Variants in PTPRD observed in about 807,000 individuals in gnomAD.
PTPRD encodes the protein protein tyrosine phosphatase receptor type D, also known as receptor-type tyrosine-protein phosphatase delta.
In PTPRD, 34 loss-of-function variants were observed where a neutral mutation model predicts 214.5. The ratio of observed to expected loss-of-function variants is 0.16; its 90% CI spans 0.12 to 0.21. The LOEUF (loss-of-function observed/expected upper bound fraction) is 0.21. Among genes scored for constraint, PTPRD ranks in the 10% least tolerant of loss-of-function variants. The pLI is 1.00. For missense variants in PTPRD, 2,545 were observed against 2,398.7 expected, an observed-to-expected ratio of 1.06 and a Z score of -1.27; for synonymous variants, 1,128 against 845.7, an observed-to-expected ratio of 1.33 and a Z score of -5.79.
At chr9:8,917,041 T>G (rs2098790863) in intron 11 of PTPRD, among the ~76,000 whole-genome samples, 1 of 151,214 alleles carries the variant, frequency 6.6e-6, no homozygotes, top group African/African-American at 2.4e-5. Context: ...GACTTGTTTT[T>G]GACATTTTCT....
chr9:8,560,442 C>T (rs1023282308), intron 14 of PTPRD, among the ~76,000 whole-genome samples: 1 of 73,546 alleles, frequency 1.4e-5, no homozygotes, highest in Admixed American at 1.2e-4. Context: ...AAAATACATA[C>T]ACACACACAC....
chr9:10,124,916 A>C (rs2154251523), intron 3 of PTPRD, among the ~76,000 whole-genome samples: 1 of 152,300 alleles, frequency 6.6e-6, no homozygotes, highest in Non-Finnish European at 1.5e-5. Context: ...GAACGTCAAA[A>C]GAGCGCACTA....
chr9:8,940,589 C>G (rs920327268), intron 11 of PTPRD, among the ~76,000 whole-genome samples: 2 of 151,676 alleles, frequency 1.3e-5, no homozygotes, highest in Admixed American at 6.6e-5. Context: ...CCACCGCACC[C>G]AGCCTGCACA....
chr9:9,300,228 A>G (rs1954760107), intron 9 of PTPRD, among the ~76,000 whole-genome samples: 1 of 151,346 alleles, frequency 6.6e-6, no homozygotes, highest in African/African-American at 2.4e-5. Flanking sequence ...TTGGGATAAA[A>G]TTCAAGATAC....
intron 9 of PTPRD, among the ~76,000 whole-genome samples, chr9:9,225,364 C>A (rs1436295652): frequency 6.6e-6 from 1 of 152,040 alleles, no homozygotes; most frequent in South Asian, 2.1e-4. Context: ...GCCTTAACAT[C>A]TTTATCGAAG....
chr9:8,913,339 C>G (rs1055680199), intron 11 of PTPRD, among the ~76,000 whole-genome samples: 1 of 152,000 alleles, frequency 6.6e-6, no homozygotes, highest in Non-Finnish European at 1.5e-5. Flanking sequence ...TAGAATCCGC[C>G]TTTGTAAGAC....
At chr9:9,509,803 TAA>T (rs35950370) in intron 8 of PTPRD, among the ~76,000 whole-genome samples, 1 of 149,338 alleles carries the variant, frequency 6.7e-6, no homozygotes. Flanking sequence ...CCTTTTTATT[TAA>T]AAAAAAAACA....
chr9:10,559,330 C>T (rs192124880), intron 2 of PTPRD, among the ~76,000 whole-genome samples: 1 of 152,022 alleles, frequency 6.6e-6, no homozygotes, highest in Non-Finnish European at 1.5e-5. Context: ...ACTATGCTAT[C>T]CATTAACCAA....
At chr9:10,255,749 G>A (rs1373493734) in intron 3 of PTPRD, among the ~76,000 whole-genome samples, 1 of 152,148 alleles carries the variant, frequency 6.6e-6, no homozygotes, top group Non-Finnish European at 1.5e-5. Flanking sequence ...TTGTGCAGCT[G>A]TACAAAAATT....
intron 14 of PTPRD, among the ~76,000 whole-genome samples, chr9:8,632,741 T>C (rs774260823): frequency 1.3e-5 from 2 of 152,034 alleles, no homozygotes; most frequent in Non-Finnish European, 2.9e-5. Flanking sequence ...AGCAACATTG[T>C]TGGAGACAAA....
intron 7 of PTPRD, among the ~76,000 whole-genome samples, chr9:9,620,908 G>A (rs140697050): frequency 6.6e-6 from 1 of 151,938 alleles, no homozygotes; most frequent in African/African-American, 2.4e-5. Context: ...GCAAGGAAAT[G>A]ATATGGTACT....
At chr9:8,635,075 T>C (rs1368732376) in intron 13 of PTPRD, among the ~76,000 whole-genome samples, 1 of 147,692 alleles carries the variant, frequency 6.8e-6, no homozygotes, top group Non-Finnish European at 1.5e-5. Flanking sequence ...ATATATTAAA[T>C]ATATATTATA....
chr9:10,245,087 G>C (rs1224756276), intron 3 of PTPRD, among the ~76,000 whole-genome samples: 1 of 152,032 alleles, frequency 6.6e-6, no homozygotes, highest in Non-Finnish European at 1.5e-5. Flanking sequence ...CATAAAGTTT[G>C]ACATTTTACA....
chr9:8,576,861 A>C (rs2092445925), intron 14 of PTPRD, among the ~76,000 whole-genome samples: 1 of 152,174 alleles, frequency 6.6e-6, no homozygotes, highest in Admixed American at 6.5e-5. Context: ...CCTTAGTGGC[A>C]ATATTCAACT....
intron 9 of PTPRD, among the ~76,000 whole-genome samples, chr9:9,323,654 T>C (rs966962135): frequency 4.6e-5 from 7 of 152,172 alleles, no homozygotes; most frequent in African/African-American, 1.7e-4. Flanking sequence ...CATGAGATCA[T>C]CTGATTTCTC....
intron 10 of PTPRD, among the ~76,000 whole-genome samples, chr9:9,060,528 G>A (rs1177748229): frequency 6.6e-6 from 1 of 152,010 alleles, no homozygotes; most frequent in African/African-American, 2.4e-5. Flanking sequence ...GTAGTAATAT[G>A]AACTTCTGTT....
intron 34 of PTPRD, among the ~76,000 whole-genome samples, chr9:8,441,011 G>A (rs2095529517): frequency 1.3e-5 from 2 of 152,146 alleles, no homozygotes; most frequent in Non-Finnish European, 2.9e-5. Context: ...AACGGCATTT[G>A]CGATCTTCTA....
intron 2 of PTPRD, among the ~76,000 whole-genome samples, chr9:10,503,980 G>A (rs1276581301): frequency 6.6e-6 from 1 of 151,154 alleles, no homozygotes; most frequent in Admixed American, 6.6e-5. Flanking sequence ...GCCGGGCGTG[G>A]TGGCGGGCGC....
intron 8 of PTPRD, among the ~76,000 whole-genome samples, chr9:9,429,663 G>C (rs1033284763): frequency 6.6e-6 from 1 of 152,130 alleles, no homozygotes; most frequent in African/African-American, 2.4e-5. Context: ...TAACATACTG[G>C]CAAACCGAAT....
Sources: allele counts gnomAD v4.1 joint callset (sites outside exome capture counted in the v4.1 genomes callset), GRCh38; gene constraint gnomAD v4.1.1; transcripts MANE v1.5; gene names NCBI Gene and HGNC (gene_info 2026-07-23, HGNC 2026-07-21).